CSGALNACT1: variants seen among roughly 807,000 people sequenced by gnomAD.
CSGALNACT1 encodes chondroitin sulfate N-acetylgalactosaminyltransferase 1.
CSGALNACT1 carries 52 observed loss-of-function variants against 51.0 expected under a neutral mutation model. The ratio of observed to expected loss-of-function variants is 1.02; its 90% CI spans 0.82 to 1.29. The LOEUF (loss-of-function observed/expected upper bound fraction) is 1.29. CSGALNACT1 is among the 50% of genes most tolerant of loss of function. CSGALNACT1 has a pLI of 0.00. For synonymous variants in CSGALNACT1, 341 were observed against 254.4 expected (o/e 1.34, Z -3.24); for missense variants, 935 against 679.2 (o/e 1.38, Z -4.19).
At chr8:19,660,048 T>C (rs939016161) in intron 1 of CSGALNACT1, among the ~76,000 whole-genome samples, 2 of 152,244 alleles carry the variant, frequency 1.3e-5, no homozygotes, top group Non-Finnish European at 2.9e-5. Flanking sequence ...ATGGGGAAAC[T>C]GACGCACGGG....
chr8:19,575,806 C>T (rs192135265), intron 3 of CSGALNACT1, among the ~76,000 whole-genome samples: 13 of 151,496 alleles, frequency 8.6e-5, no homozygotes, highest in Admixed American at 3.9e-4. Flanking sequence ...ATAAAAGTTG[C>T]GGAGGCTTAG....
chr8:19,625,661 T>G (rs1265088703), intron 1 of CSGALNACT1, among the ~76,000 whole-genome samples: 1 of 152,212 alleles, frequency 6.6e-6, no homozygotes, highest in Admixed American at 6.5e-5. Flanking sequence ...ATGCTGTCTC[T>G]GCAACACAAC....
rs190433548 is a variant in CSGALNACT1 at position 19,735,646 on chromosome 8, A to G, written c.-297+22204T>C. ...AAGAGACTATGAAGAACTATCAGAT[A>G]GACTTAAAAAAATAAAATTTTATGT... is the stretch of plus-strand genomic sequence containing the variant. On this transcript the variant is annotated intron_variant, in intron 1 of 1. Coordinates refer to the CSGALNACT1 transcript ENST00000517494. 1.6e-3 allele frequency among the ~76,000 whole-genome samples: 245 copies of G among 152,312 alleles called. 2 individuals are homozygous for G. Among genetic ancestry groups the G allele is most frequent in the Non-Finnish European group, 2.7e-3 (183 of 68,028 alleles).
At chr8:19,429,506 T>C (rs2059326771) in intron 6 of CSGALNACT1, among the ~76,000 whole-genome samples, 1 of 152,220 alleles carries the variant, frequency 6.6e-6, no homozygotes, top group African/African-American at 2.4e-5. Context: ...CTGGCTACTT[T>C]CATTTATCAC....
chr8:19,755,293 T>G (rs1170712015), intron 1 of CSGALNACT1, among the ~76,000 whole-genome samples: 2 of 151,966 alleles, frequency 1.3e-5, no homozygotes, highest in African/African-American at 4.8e-5. Flanking sequence ...AAGTTTCAAC[T>G]CCTTATTTTC....
At chr8:19,453,942 G>T (rs147552898) in intron 5 of CSGALNACT1, among the ~76,000 whole-genome samples, 5 of 152,044 alleles carry the variant, frequency 3.3e-5, no homozygotes, top group African/African-American at 1.2e-4. Flanking sequence ...AGGGAGGGAG[G>T]GAGGAAACAA....
chr8:19,726,779 C>T (rs570106926), intron 1 of CSGALNACT1, among the ~76,000 whole-genome samples: 1 of 152,106 alleles, frequency 6.6e-6, no homozygotes, highest in Non-Finnish European at 1.5e-5. Context: ...CTCTGGATAG[C>T]AAGTATATCC....
At chr8:19,735,451 C>A (rs1042931129) in intron 1 of CSGALNACT1, among the ~76,000 whole-genome samples, 27 of 152,006 alleles carry the variant, frequency 1.8e-4, no homozygotes, top group African/African-American at 6.3e-4. Context: ...ATTCCAATGA[C>A]CATAAGCTCA....
At chr8:19,547,150 T>A (rs564401785) in intron 3 of CSGALNACT1, among the ~76,000 whole-genome samples, 1 of 152,310 alleles carries the variant, frequency 6.6e-6, no homozygotes, top group Admixed American at 6.5e-5. Flanking sequence ...AAGGGCTCCA[T>A]GATGCCACAG....
intron 1 of CSGALNACT1, among the ~76,000 whole-genome samples, chr8:19,628,613 A>G (rs761459415): frequency 6.6e-6 from 1 of 152,142 alleles, no homozygotes. Flanking sequence ...ATTCAAACCC[A>G]AGGAGTCCAA....
At position 19,754,811 on chromosome 8, in the gene CSGALNACT1, A is replaced by C. The variant is rs79925067; in HGVS notation, c.-297+3039T>G. Reference sequence around the variant, plus strand: ...AGCCTGGGGTGATACACTATGCTGAAGAGGTCCCCTAGTGGCGAAGCTCCT... The same window carrying C: ...AGCCTGGGGTGATACACTATGCTGACGAGGTCCCCTAGTGGCGAAGCTCCT... On this transcript the variant is annotated intron_variant, in intron 1 of 1. Transcript: ENST00000517494. Among the ~76,000 whole-genome samples the C allele has an allele frequency of 5.1e-3, 780 of 152,318 alleles. 3 individuals are homozygous for C. Among genetic ancestry groups the C allele is most frequent in the African/African-American group, 0.018 (739 of 41,554 alleles).
At chr8:19,720,642 G>A (rs2063069364) in intron 1 of CSGALNACT1, among the ~76,000 whole-genome samples, 1 of 152,078 alleles carries the variant, frequency 6.6e-6, no homozygotes, top group African/African-American at 2.4e-5. Context: ...GCGTGGCATG[G>A]GAAGACATCA....
intron 1 of CSGALNACT1, chr8:19,678,450 T>A (rs983773464): frequency 9.2e-5 from 14 of 152,228 alleles, no homozygotes; most frequent in Non-Finnish European, 1.5e-4. Context: ...GAACTCATTT[T>A]GTCCTCATAG....
At chr8:19,543,648 T>G (rs1221336764) in intron 3 of CSGALNACT1, among the ~76,000 whole-genome samples, 1 of 152,158 alleles carries the variant, frequency 6.6e-6, no homozygotes, top group African/African-American at 2.4e-5. Context: ...GTTTCCCAGC[T>G]GGGGAAGGTG....
chr8:19,523,043 C>G lies in CSGALNACT1; in HGVS notation c.-296-16913G>C, dbSNP rs17128553. On this transcript the variant is annotated intron_variant, in intron 3 of 9. Coordinates refer to ENST00000454498, the Ensembl canonical transcript of CSGALNACT1. ...TTGGAATATGATCCTTTTGAATACA[C>G]TCGTGTGAAGCTGCAACAATTGCGG... Among the ~76,000 whole-genome samples the G allele has an allele frequency of 2.6e-3, 400 of 152,318 alleles. 2 individuals carry two copies. Among genetic ancestry groups the G allele is most frequent in the African/African-American group, 9.2e-3 (382 of 41,570 alleles).
At chr8:19,569,804 A>G (rs990538626) in intron 3 of CSGALNACT1, among the ~76,000 whole-genome samples, 2 of 152,248 alleles carry the variant, frequency 1.3e-5, no homozygotes, top group Admixed American at 1.3e-4. Context: ...AAACTGGATA[A>G]ACTAAATTAT....
At chr8:19,483,621 T>G (rs1181794062) in intron 4 of CSGALNACT1, among the ~76,000 whole-genome samples, 1 of 152,164 alleles carries the variant, frequency 6.6e-6, no homozygotes, top group Non-Finnish European at 1.5e-5. Context: ...CAAGAGTGGA[T>G]CTGATGGCCT....
chr8:19,404,833 GT>G (rs1280302921), exon 10 of CSGALNACT1: 1 of 454,400 alleles, frequency 2.2e-6, no homozygotes, highest in Non-Finnish European at 4.4e-6. Context: ...AAAGCAGAAA[GT>G]GTCATTTTCT....
At chr8:19,559,908 T>A (rs528151112) in intron 3 of CSGALNACT1, among the ~76,000 whole-genome samples, 1 of 152,142 alleles carries the variant, frequency 6.6e-6, no homozygotes, top group Non-Finnish European at 1.5e-5. Context: ...GATTGTAAAA[T>A]TGCATATGGA....
Sources: gnomAD v4.1 joint callset for allele counts (sites outside exome capture counted in the v4.1 genomes callset) on GRCh38, gnomAD v4.1.1 for gene constraint, MANE v1.5 for transcripts, NCBI Gene and HGNC (gene_info 2026-07-23, HGNC 2026-07-21) for gene names.